CCDC60: variants seen among roughly 807,000 people sequenced by gnomAD.
The protein encoded by CCDC60 is coiled-coil domain containing 60, also known as coiled-coil domain-containing protein 60.
In CCDC60, 54 loss-of-function variants were observed where a neutral mutation model predicts 63.5. The observed-to-expected ratio is 0.85, with a 90% CI of 0.68 to 1.07. The LOEUF (loss-of-function observed/expected upper bound fraction) is 1.07, where lower values mean the gene tolerates loss of function less well. CCDC60 is among the 50% of genes least tolerant of loss of function. The pLI, the probability that CCDC60 is intolerant of heterozygous loss-of-function variation, is 0.00. For synonymous variants in CCDC60, 206 were observed against 238.8 expected, an observed-to-expected ratio of 0.86 and a Z score of 1.27; for missense variants, 651 against 684.3, an observed-to-expected ratio of 0.95 and a Z score of 0.54.
intron 1 of CCDC60, among the ~76,000 whole-genome samples, chr12:119,425,803 A>T (rs1441425736): frequency 6.6e-6 from 1 of 152,158 alleles, no homozygotes; most frequent in Admixed American, 6.5e-5. Context: ...CATTTGCCCA[A>T]ACTGGGTCAC....
At chr12:119,479,293 G>A (rs1378304878) in intron 4 of CCDC60, 92 bp downstream of exon 4, 7 of 844,718 alleles carry the variant, frequency 8.3e-6, no homozygotes, top group Non-Finnish European at 1.4e-5. Context: ...GTCAGTAGCT[G>A]TTCCTTTGTC....
At chr12:119,462,788 C>CTTCA (rs944953020) in intron 2 of CCDC60, among the ~76,000 whole-genome samples, 5 of 139,666 alleles carry the variant, frequency 3.6e-5, no homozygotes, top group Admixed American at 3.1e-4. Flanking sequence ...GCCCAACTAA[C>CTTCA]TTCATTTATT....
chr12:119,425,831 A>G (rs1022692306), intron 1 of CCDC60, among the ~76,000 whole-genome samples: 2 of 152,084 alleles, frequency 1.3e-5, no homozygotes, highest in African/African-American at 4.8e-5. Flanking sequence ...TCCATAAACT[A>G]ACCACTTTGA....
intron 1 of CCDC60, among the ~76,000 whole-genome samples, chr12:119,352,453 T>A (rs552032954): frequency 6.6e-6 from 1 of 152,190 alleles, no homozygotes; most frequent in Non-Finnish European, 1.5e-5. Flanking sequence ...ACCTCTTTTT[T>A]ACAGATAAGA....
intron 1 of CCDC60, among the ~76,000 whole-genome samples, chr12:119,421,104 C>T (rs1956805464): frequency 6.6e-6 from 1 of 152,160 alleles, no homozygotes. Flanking sequence ...AGCCCGGGCA[C>T]ATTTAACAGG....
At chr12:119,504,599 C>G (rs1220473348) in intron 6 of CCDC60, among the ~76,000 whole-genome samples, 2 of 152,130 alleles carry the variant, frequency 1.3e-5, no homozygotes, top group African/African-American at 4.8e-5. Context: ...CTTTGAGGCC[C>G]AGGTGTCAAC....
chr12:119,378,046 A>C (rs192077275), intron 1 of CCDC60, among the ~76,000 whole-genome samples: 29 of 152,356 alleles, frequency 1.9e-4, no homozygotes, highest in Admixed American at 5.2e-4. Context: ...ACGGGGTTTT[A>C]TAGAAAAGCT....
At chr12:119,405,335 A>AT (rs1435141037) in intron 1 of CCDC60, among the ~76,000 whole-genome samples, 8 of 152,198 alleles carry the variant, frequency 5.3e-5, no homozygotes, top group African/African-American at 1.9e-4. Flanking sequence ...ACTCAATTAC[A>AT]TTTCCTTGAA....
intron 1 of CCDC60, among the ~76,000 whole-genome samples, chr12:119,349,175 G>A (rs1340117221): frequency 1.3e-5 from 2 of 151,932 alleles, no homozygotes; most frequent in African/African-American, 2.4e-5. Context: ...GGGGTGGGTG[G>A]GTTGAGAGAA....
chr12:119,377,634 T>C (rs761517219), intron 1 of CCDC60, among the ~76,000 whole-genome samples: 1 of 152,252 alleles, frequency 6.6e-6, no homozygotes, highest in Non-Finnish European at 1.5e-5. Context: ...ATTAACTATT[T>C]AGTGTGAGTC....
At chr12:119,508,649 G>A (rs150005024) in intron 7 of CCDC60, among the ~76,000 whole-genome samples, 2 of 152,272 alleles carry the variant, frequency 1.3e-5, no homozygotes, top group African/African-American at 4.8e-5. Context: ...ACTGAGACCT[G>A]AAGACCTGAA....
intron 7 of CCDC60, among the ~76,000 whole-genome samples, chr12:119,507,590 ACATATATATATATATATATATATATTTTT>A (rs1952073237): frequency 3.9e-5 from 1 of 25,542 alleles, no homozygotes; most frequent in African/African-American, 3.0e-4. Context: ...ACATATATAT[ACATATATATATATATATATATATATTTTT>A]TTTTTTTTTT....
rs150577538 is a variant in CCDC60 at position 119,464,300 on chromosome 12, A to ACC, written c.171-7685_171-7684dup. The stretch of plus-strand genomic sequence containing the variant: ...TTGCCAGAGTTGGGTTGCAAGAGCA[A>ACC]CCCCCCCCCCACTCTTCCTTACTTC... On this transcript the variant is annotated intron_variant, in intron 2 of 13. Transcript: ENST00000327554. Among the ~76,000 whole-genome samples the ACC allele has an allele frequency of 5.3e-3, 283 of 53,636 alleles. 11 individuals carry two copies. The highest frequency in any genetic ancestry group is 8.1e-3 in the Non-Finnish European group (232 of 28,526). 35.2% of individuals were successfully genotyped at this position (53,636 alleles called of 152,430 possible).
chr12:119,471,171 A>G (rs1217979336), intron 2 of CCDC60, among the ~76,000 whole-genome samples: 1 of 152,226 alleles, frequency 6.6e-6, no homozygotes, highest in Non-Finnish European at 1.5e-5. Flanking sequence ...ACGACTGAGA[A>G]TGTCTTCACA....
At chr12:119,514,019 T>C (rs541874622) in intron 7 of CCDC60, among the ~76,000 whole-genome samples, 1 of 152,176 alleles carries the variant, frequency 6.6e-6, no homozygotes, top group Non-Finnish European at 1.5e-5. Flanking sequence ...GGCATTGTTA[T>C]CATGGGAGAT....
intron 2 of CCDC60, among the ~76,000 whole-genome samples, chr12:119,465,592 TACTA>T: frequency 6.6e-6 from 1 of 152,078 alleles, no homozygotes; most frequent in Non-Finnish European, 1.5e-5. Context: ...ACCCCGTCTC[TACTA>T]AAAATATAAA....
intron 2 of CCDC60, among the ~76,000 whole-genome samples, chr12:119,450,857 A>AG (rs1950619161): frequency 2.8e-5 from 2 of 71,002 alleles, no homozygotes; most frequent in African/African-American, 1.3e-4. Context: ...ACTCCATCTC[A>AG]AAAAAAAAAA....
At chr12:119,432,590 T>A (rs1950250443) in intron 2 of CCDC60, among the ~76,000 whole-genome samples, 1 of 152,118 alleles carries the variant, frequency 6.6e-6, no homozygotes. Context: ...TCCACAAGAA[T>A]CTGTACACTG....
chr12:119,418,386 C>CTTTTTTTTTTTTTTTTTTTTTTTTTTTTT (rs556783132), intron 1 of CCDC60, among the ~76,000 whole-genome samples: 1 of 65,752 alleles, frequency 1.5e-5, no homozygotes, highest in Non-Finnish European at 2.7e-5. Flanking sequence ...TTCTTTCTTT[C>CTTTTTTTTTTTTTTTTTTTTTTTTTTTTT]TTTTTTTTTT....
Sources: gnomAD v4.1 joint callset for allele counts (sites outside exome capture counted in the v4.1 genomes callset) on GRCh38, gnomAD v4.1.1 for gene constraint, MANE v1.5 for transcripts, NCBI Gene and HGNC (gene_info 2026-07-23, HGNC 2026-07-21) for gene names.